ATP13A4: variants seen among roughly 807,000 people sequenced by gnomAD.
The protein encoded by ATP13A4 is probable cation-transporting ATPase 13A4.
Under a neutral mutation model 142.5 loss-of-function variants are expected in ATP13A4, and 114 were observed. The ratio of observed to expected loss-of-function variants is 0.80; its 90% CI spans 0.69 to 0.93. ATP13A4 has a LOEUF of 0.93. Among genes scored for constraint, ATP13A4 ranks in the 40% least tolerant of loss-of-function variants. The pLI is 0.00. For synonymous variants in ATP13A4, 488 were observed against 514.8 expected (o/e 0.95, Z 0.70); for missense variants, 1,392 against 1,454.0 (o/e 0.96, Z 0.69).
chr3:193,473,938 G>A (rs932063964), intron 8 of ATP13A4, among the ~76,000 whole-genome samples: 2 of 152,154 alleles, frequency 1.3e-5, no homozygotes, highest in Non-Finnish European at 2.9e-5. Flanking sequence ...CACGAACGAG[G>A]TCTGACCATT....
chr3:193,499,260 T>C (rs1720408102), intron 3 of ATP13A4, among the ~76,000 whole-genome samples: 1 of 152,210 alleles, frequency 6.6e-6, no homozygotes, highest in Admixed American at 6.5e-5. Context: ...ACAATCTCTC[T>C]CTAATTTGCA....
chr3:193,528,220 C>T (rs935116121), intron 1 of ATP13A4, among the ~76,000 whole-genome samples: 81 of 152,354 alleles, frequency 5.3e-4, no homozygotes, highest in African/African-American at 1.8e-3. Flanking sequence ...TGCTTGGCCC[C>T]AGGAATGGGA....
intron 1 of ATP13A4, among the ~76,000 whole-genome samples, chr3:193,517,437 A>C (rs1256486140): frequency 2.0e-5 from 3 of 152,198 alleles, no homozygotes; most frequent in Non-Finnish European, 4.4e-5. Context: ...GTGTGAAGCG[A>C]ATGCTTCACT....
chr3:193,414,798 T>A, intron 25 of ATP13A4, 48 bp from the exon 26 acceptor site: 2 of 1,577,264 alleles, frequency 1.3e-6, no homozygotes, highest in Non-Finnish European at 1.7e-6. Flanking sequence ...GGAAAATGTA[T>A]TCTTGATCAG....
intron 8 of ATP13A4, among the ~76,000 whole-genome samples, chr3:193,478,740 A>G (rs1328327301): frequency 2.0e-5 from 3 of 152,184 alleles, no homozygotes; most frequent in African/African-American, 7.2e-5. Context: ...AGGATAGAGA[A>G]AGAGGAAATC....
chr3:193,462,041 G>A (rs1046177722), intron 13 of ATP13A4, among the ~76,000 whole-genome samples: 3 of 152,020 alleles, frequency 2.0e-5, no homozygotes, highest in Admixed American at 6.6e-5. Context: ...GGCCAACATG[G>A]TGAAACCCCG....
In ATP13A4 at chr3:193,462,946, A is replaced by T. The variant is rs1718040164; in HGVS notation, c.1462-123T>A. ...GATCACTTGAACTCAGGAGTTTAAG[A>T]CCAGCCTGGGCAACATAATGAAACC... On this transcript the variant is annotated intron_variant, in intron 12 of 29. Transcript: ENST00000342695. 4 of 918,200 alleles carry T rather than the reference A, an allele frequency of 4.4e-6. No individual in the cohort carries two copies. The South Asian group carries it at 5.6e-5, about 13-fold the overall frequency. The allele number at this position is 918,200 out of a possible 1,614,324, so 56.9% of individuals were successfully genotyped here.
chr3:193,522,339 T>C (rs1477057648), intron 1 of ATP13A4, among the ~76,000 whole-genome samples: 1 of 152,190 alleles, frequency 6.6e-6, no homozygotes, highest in Non-Finnish European at 1.5e-5. Flanking sequence ...AAAACTTACA[T>C]TTTATGTAAA....
intron 9 of ATP13A4, 41 bp downstream of exon 9, chr3:193,470,818 C>T (rs1218069581): frequency 6.2e-7 from 1 of 1,613,092 alleles, no homozygotes; most frequent in Admixed American, 1.7e-5. Context: ...GGAGTGTGGG[C>T]CAGCCCACAG....
chr3:193,441,988 A>G (rs1025714113), intron 19 of ATP13A4, among the ~76,000 whole-genome samples: 6 of 152,208 alleles, frequency 3.9e-5, no homozygotes, highest in Non-Finnish European at 8.8e-5. Context: ...ACAAGACTGG[A>G]GATAAATGAA....
intron 1 of ATP13A4, among the ~76,000 whole-genome samples, chr3:193,585,324 G>A (rs1724646971): frequency 6.6e-6 from 1 of 152,054 alleles, no homozygotes; most frequent in African/African-American, 2.4e-5. Flanking sequence ...GAAGGCCAAG[G>A]CAGGAGAATC....
intron 29 of ATP13A4, chr3:193,404,212 T>C: frequency 1.1e-6 from 1 of 946,550 alleles, no homozygotes; most frequent in Non-Finnish European, 1.3e-6. Flanking sequence ...AAATCTTACT[T>C]ACTTCAAGGA....
intron 27 of ATP13A4, 39 bp from the exon 28 acceptor site, chr3:193,411,109 C>G: frequency 7.1e-7 from 1 of 1,416,456 alleles, no homozygotes; most frequent in Admixed American, 1.7e-5. Context: ...TTTGAGAAAT[C>G]AGAGTGAAAA....
intron 2 of ATP13A4, among the ~76,000 whole-genome samples, chr3:193,573,299 A>ATTCTTT (rs1367708648): frequency 2.5e-5 from 2 of 78,596 alleles, no homozygotes; most frequent in African/African-American, 1.3e-4. Flanking sequence ...ACACATATAT[A>ATTCTTT]TATATATACA....
At chr3:193,497,463 T>G (rs1309299244) in intron 3 of ATP13A4, among the ~76,000 whole-genome samples, 1 of 152,208 alleles carries the variant, frequency 6.6e-6, no homozygotes, top group African/African-American at 2.4e-5. Context: ...TGTACACTGT[T>G]AGTGAGACTA....
intron 1 of ATP13A4, among the ~76,000 whole-genome samples, chr3:193,531,296 G>A (rs147711913): frequency 1.6e-3 from 122 of 73,966 alleles, no homozygotes; most frequent in African/African-American, 4.4e-3. Context: ...GGGAGGGAGG[G>A]AGGAAGGAAG....
chr3:193,436,457 CT>C (rs1055376880), intron 23 of ATP13A4, among the ~76,000 whole-genome samples: 60 of 148,066 alleles, frequency 4.1e-4, no homozygotes, highest in East Asian at 1.6e-3. Flanking sequence ...TTAAATTATA[CT>C]TTTTTTTTTG....
intron 1 of ATP13A4, among the ~76,000 whole-genome samples, chr3:193,532,452 T>C (rs1448291881): frequency 6.7e-6 from 1 of 149,200 alleles, no homozygotes; most frequent in African/African-American, 2.5e-5. Context: ...ACACCAAACT[T>C]TGATTGATTT....
intron 1 of ATP13A4, among the ~76,000 whole-genome samples, chr3:193,549,431 T>TAG (rs1393857457): frequency 9.2e-4 from 126 of 136,374 alleles, no homozygotes; most frequent in African/African-American, 2.3e-3. Context: ...TATATATATA[T>TAG]ATAGAGAGAG....
Sources: gnomAD v4.1 joint callset for allele counts (sites outside exome capture counted in the v4.1 genomes callset) on GRCh38, gnomAD v4.1.1 for gene constraint, MANE v1.5 for transcripts, NCBI Gene and HGNC (gene_info 2026-07-23, HGNC 2026-07-21) for gene names.